The following STXBP5L variants were observed in gnomAD, a reference collection of about 807,000 sequenced individuals.
The protein encoded by STXBP5L is syntaxin-binding protein 5-like.
In STXBP5L, 65 loss-of-function variants were observed where a neutral mutation model predicts 144.5. That is an observed-to-expected ratio of 0.45 (90% CI 0.37 to 0.55). The LOEUF (loss-of-function observed/expected upper bound fraction) is 0.55. STXBP5L is among the 20% of genes least tolerant of loss of function. The probability of loss-of-function intolerance (pLI) is 0.00; values close to 1 mark genes in which losing one functional copy is unlikely to be tolerated. For missense variants in STXBP5L, 1,298 were observed against 1,405.5 expected (o/e 0.92, Z 1.22); for synonymous variants, 505 against 469.6 (o/e 1.08, Z -0.97).
chr3:121,092,717 A>G (rs1445752075), intron 5 of STXBP5L, among the ~76,000 whole-genome samples: 6 of 152,336 alleles, frequency 3.9e-5, no homozygotes, highest in Middle Eastern at 3.4e-3. Context: ...TCATCTGCAA[A>G]CAGGGACAAT....
chr3:121,258,067 T>C (rs2050265620), intron 17 of STXBP5L, among the ~76,000 whole-genome samples: 1 of 152,206 alleles, frequency 6.6e-6, no homozygotes, highest in Non-Finnish European at 1.5e-5. Context: ...ATTGCTAGTA[T>C]ATTTCATAAT....
At chr3:121,196,261 G>T (rs1171100235) in intron 9 of STXBP5L, among the ~76,000 whole-genome samples, 1 of 151,722 alleles carries the variant, frequency 6.6e-6, no homozygotes, top group East Asian at 1.9e-4. Context: ...CCGGGTTCAA[G>T]CAATTCTCCT....
At chr3:120,957,540 G>C in intron 3 of STXBP5L, among the ~76,000 whole-genome samples, 1 of 151,974 alleles carries the variant, frequency 6.6e-6, no homozygotes, top group Non-Finnish European at 1.5e-5. Flanking sequence ...TTGGTATTAG[G>C]ATAATGCCGG....
chr3:121,114,634 G>T (rs973928656), intron 5 of STXBP5L, among the ~76,000 whole-genome samples: 3 of 152,072 alleles, frequency 2.0e-5, no homozygotes, highest in South Asian at 2.1e-4. Flanking sequence ...TTCAGCCACA[G>T]TTTCATTTTT....
chr3:121,195,041 G>A (rs1289045216), intron 9 of STXBP5L, among the ~76,000 whole-genome samples: 4 of 148,778 alleles, frequency 2.7e-5, no homozygotes, highest in East Asian at 2.0e-4. Flanking sequence ...TCGGCCTCCC[G>A]AGTAGCTGAG....
intron 21 of STXBP5L, among the ~76,000 whole-genome samples, chr3:121,379,241 G>T (rs1016804878): frequency 6.6e-6 from 1 of 152,064 alleles, no homozygotes; most frequent in Admixed American, 6.6e-5. Flanking sequence ...TTAATGTATT[G>T]CAACCTTAAT....
chr3:121,078,859 G>A (rs900887001), intron 5 of STXBP5L, among the ~76,000 whole-genome samples: 10 of 152,252 alleles, frequency 6.6e-5, no homozygotes, highest in Non-Finnish European at 1.2e-4. Context: ...TGCGGGGCCC[G>A]CCAAGCCCAT....
At chr3:121,341,910 A>G (rs1249513348) in intron 20 of STXBP5L, among the ~76,000 whole-genome samples, 2 of 152,036 alleles carry the variant, frequency 1.3e-5, no homozygotes, top group African/African-American at 4.8e-5. Context: ...GAAAAAATGA[A>G]TAAGACTAGT....
At chr3:121,100,446 A>T (rs1044257967) in intron 5 of STXBP5L, among the ~76,000 whole-genome samples, 1 of 152,168 alleles carries the variant, frequency 6.6e-6, no homozygotes, top group Non-Finnish European at 1.5e-5. Flanking sequence ...AAGATCTTTT[A>T]TTACCACACA....
chr3:121,313,286 G>T (rs1247256596), intron 19 of STXBP5L, among the ~76,000 whole-genome samples: 2 of 143,492 alleles, frequency 1.4e-5, no homozygotes, highest in African/African-American at 5.2e-5. Context: ...TCCCAGTAGG[G>T]GCGGCTGGGC....
intron 3 of STXBP5L, among the ~76,000 whole-genome samples, chr3:121,005,120 G>A (rs1350641015): frequency 2.0e-5 from 3 of 152,182 alleles, no homozygotes; most frequent in South Asian, 2.1e-4. Context: ...AGTTTCAGAA[G>A]GAATGTTACC....
chr3:121,316,898 T>A (rs772775081), intron 19 of STXBP5L, among the ~76,000 whole-genome samples: 1 of 152,182 alleles, frequency 6.6e-6, no homozygotes, highest in Non-Finnish European at 1.5e-5. Context: ...TCTAGCAGCC[T>A]CCTCCTCTTT....
At chr3:121,040,333 G>A (rs1050897327) in intron 3 of STXBP5L, among the ~76,000 whole-genome samples, 1 of 152,030 alleles carries the variant, frequency 6.6e-6, no homozygotes, top group African/African-American at 2.4e-5. Context: ...ATCTTAGGGA[G>A]GAATTTTTCC....
intron 5 of STXBP5L, among the ~76,000 whole-genome samples, chr3:121,096,105 T>C (rs555997483): frequency 6.7e-6 from 1 of 148,884 alleles, no homozygotes; most frequent in South Asian, 2.1e-4. Flanking sequence ...GTACCCACTA[T>C]CCTGCCCCCC....
chr3:121,147,704 G>A (rs2045768925), intron 7 of STXBP5L, among the ~76,000 whole-genome samples: 1 of 152,118 alleles, frequency 6.6e-6, no homozygotes. Flanking sequence ...AGGATGTTTT[G>A]GTTGAGATGA....
At chr3:121,348,713 C>T (rs1421855656) in intron 20 of STXBP5L, among the ~76,000 whole-genome samples, 1 of 152,036 alleles carries the variant, frequency 6.6e-6, no homozygotes, top group African/African-American at 2.4e-5. Flanking sequence ...GGAATTTATC[C>T]ATTTCTTCTA....
At chr3:121,221,178 T>A (rs1435241874) in intron 10 of STXBP5L, among the ~76,000 whole-genome samples, 6 of 151,932 alleles carry the variant, frequency 3.9e-5, no homozygotes, top group Admixed American at 3.9e-4. Flanking sequence ...CCTGAGGAAA[T>A]AACTTTTTAT....
intron 2 of STXBP5L, among the ~76,000 whole-genome samples, chr3:120,933,417 G>GT (rs1345329284): frequency 6.6e-6 from 1 of 151,798 alleles, no homozygotes; most frequent in East Asian, 1.9e-4. Context: ...TGTCACTGCT[G>GT]TTTTTTTCAA....
intron 7 of STXBP5L, among the ~76,000 whole-genome samples, chr3:121,135,536 CAGGAATTAGATA>C: frequency 6.6e-6 from 1 of 152,104 alleles, no homozygotes; most frequent in Non-Finnish European, 1.5e-5. Flanking sequence ...GACAGATCAT[CAGGAATTAGATA>C]CTCACAAGGA....
Sources: allele counts gnomAD v4.1 joint callset (sites outside exome capture counted in the v4.1 genomes callset), GRCh38; gene constraint gnomAD v4.1.1; transcripts MANE v1.5; gene names NCBI Gene and HGNC (gene_info 2026-07-23, HGNC 2026-07-21).